Variants in PRORP observed in about 807,000 individuals in gnomAD.
PRORP encodes the protein mitochondrial ribonuclease P catalytic subunit.
PRORP carries 51 observed loss-of-function variants against 59.4 expected under a neutral mutation model. The ratio of observed to expected loss-of-function variants is 0.86; its 90% CI spans 0.69 to 1.08. The LOEUF (loss-of-function observed/expected upper bound fraction) is 1.08. PRORP is among the 50% of genes least tolerant of loss of function. The pLI is 0.00. For missense variants in PRORP, 646 were observed against 690.3 expected, an observed-to-expected ratio of 0.94 and a Z score of 0.72; for synonymous variants, 231 against 245.6, an observed-to-expected ratio of 0.94 and a Z score of 0.55.
At chr14:35,263,355 C>T (rs1477620228) in intron 5 of PRORP, among the ~76,000 whole-genome samples, 1 of 152,070 alleles carries the variant, frequency 6.6e-6, no homozygotes, top group Non-Finnish European at 1.5e-5. Flanking sequence ...GTGTGTAGAG[C>T]CAGCATATAT....
chr14:35,177,074 G>T (rs1364502474), intron 4 of PRORP, among the ~76,000 whole-genome samples: 1 of 152,200 alleles, frequency 6.6e-6, no homozygotes, highest in Admixed American at 6.5e-5. Flanking sequence ...AACCAGCCTT[G>T]CATCCCAGGG....
intron 5 of PRORP, among the ~76,000 whole-genome samples, chr14:35,241,382 A>T (rs965611442): frequency 1.3e-5 from 2 of 152,162 alleles, no homozygotes; most frequent in Non-Finnish European, 2.9e-5. Flanking sequence ...CGTCTCAAAA[A>T]AAAAAAAAGT....
At chr14:35,149,470 C>A (rs1255846114) in intron 4 of PRORP, among the ~76,000 whole-genome samples, 3 of 152,176 alleles carry the variant, frequency 2.0e-5, no homozygotes, top group Admixed American at 2.0e-4. Context: ...GCTTCAGCCT[C>A]CCAAAGTACT....
At chr14:35,206,994 G>T (rs2049310527) in intron 5 of PRORP, among the ~76,000 whole-genome samples, 1 of 152,042 alleles carries the variant, frequency 6.6e-6, no homozygotes, top group Non-Finnish European at 1.5e-5. Flanking sequence ...TACATTCAGG[G>T]TTGTGATTTT....
intron 2 of PRORP, 45 bp from the exon 3 acceptor site, chr14:35,126,690 A>T: frequency 7.0e-7 from 1 of 1,430,744 alleles, no homozygotes; most frequent in South Asian, 1.2e-5. Flanking sequence ...TCATTTCAGT[A>T]GGAATCTAAC....
At chr14:35,266,013 CA>C (rs35304125) in intron 5 of PRORP, among the ~76,000 whole-genome samples, 11,248 of 117,072 alleles carry the variant, frequency 0.096, 870 homozygotes, top group African/African-American at 0.23. Context: ...CCATCTCTAC[CA>C]AAAAAAAAAA....
At chr14:35,156,352 G>A (rs998828979) in intron 4 of PRORP, among the ~76,000 whole-genome samples, 2 of 152,192 alleles carry the variant, frequency 1.3e-5, no homozygotes, top group Non-Finnish European at 2.9e-5. Flanking sequence ...TTAAAAGAGT[G>A]CTGGCTTTTC....
intron 5 of PRORP, among the ~76,000 whole-genome samples, chr14:35,266,258 A>G (rs973668573): frequency 5.9e-5 from 9 of 151,566 alleles, no homozygotes; most frequent in African/African-American, 1.9e-4. Context: ...GAGAGGTTGC[A>G]GTGAGCTGAG....
At chr14:35,258,168 ATT>A (rs2050806207) in intron 5 of PRORP, among the ~76,000 whole-genome samples, 1 of 152,038 alleles carries the variant, frequency 6.6e-6, no homozygotes. Context: ...TTGTTTGTTC[ATT>A]TGTTTGAGAC....
In PRORP at chr14:35,273,517, G is replaced by C; in HGVS notation, c.1703G>C (p.Cys568Ser). ...IPYDEDLVERCSCEVPTKWLC... is the reference protein window; with the variant it reads ...IPYDEDLVERSSCEVPTKWLC... The stretch of plus-strand genomic sequence containing the variant: ...TATGATGAAGACTTGGTAGAAAGAT[G>C]TTCCTGTGAAGTACCAACCAAATGG... Residue 568 changes from cysteine to serine, a missense_variant, in exon 8 of 8, where the codon TGT becomes TCT. By Grantham distance (112) the Cys-to-Ser change is moderately radical. Transcript: ENST00000534898. The C allele has an allele frequency of 6.2e-7, 1 of 1,613,752 alleles. No homozygotes were observed. The highest frequency in any genetic ancestry group is 8.5e-7 in the Non-Finnish European group (1 of 1,179,836).
At chr14:35,153,262 C>T (rs113481580) in intron 4 of PRORP, among the ~76,000 whole-genome samples, 9,016 of 152,258 alleles carry the variant, frequency 0.059, 423 homozygotes, top group African/African-American at 0.13. Flanking sequence ...TGGCGGTGCG[C>T]GCCTGCAATT....
At chr14:35,256,666 A>G (rs1015496877) in intron 5 of PRORP, among the ~76,000 whole-genome samples, 48 of 151,864 alleles carry the variant, frequency 3.2e-4, no homozygotes, top group African/African-American at 9.2e-4. Context: ...ATATTTAGAA[A>G]TGCATTCCAA....
intron 5 of PRORP, among the ~76,000 whole-genome samples, chr14:35,211,216 TAG>T (rs34316634): frequency 0.034 from 5,231 of 152,286 alleles, 315 homozygotes; most frequent in African/African-American, 0.12. Flanking sequence ...GGTAACACTA[TAG>T]AGATACTTTT....
chr14:35,125,084 C>CAGGT (rs1360464483), intron 2 of PRORP, among the ~76,000 whole-genome samples: 2 of 152,024 alleles, frequency 1.3e-5, no homozygotes, highest in Non-Finnish European at 2.9e-5. Context: ...AGGCTGCTCT[C>CAGGT]GAACTACCTC....
chr14:35,191,454 C>A (rs1233099529), intron 5 of PRORP, among the ~76,000 whole-genome samples: 2 of 152,136 alleles, frequency 1.3e-5, no homozygotes, highest in African/African-American at 4.8e-5. Flanking sequence ...GTAATCCCAG[C>A]ACTTCAGGAG....
intron 5 of PRORP, among the ~76,000 whole-genome samples, chr14:35,207,167 G>C (rs897639153): frequency 2.0e-5 from 3 of 152,182 alleles, no homozygotes; most frequent in Admixed American, 1.3e-4. Flanking sequence ...TTTACCTGGC[G>C]ATGCCGGAGC....
chr14:35,240,719 T>A (rs2050343755), intron 5 of PRORP, among the ~76,000 whole-genome samples: 1 of 152,196 alleles, frequency 6.6e-6, no homozygotes, highest in South Asian at 2.1e-4. Context: ...TCTACCTCCT[T>A]GTTCCTCCTC....
chr14:35,226,909 A>T (rs1240527454), intron 5 of PRORP, among the ~76,000 whole-genome samples: 2 of 151,414 alleles, frequency 1.3e-5, no homozygotes, highest in South Asian at 2.1e-4. Context: ...TAATTTTTGT[A>T]TATTTTGAAG....
intron 4 of PRORP, among the ~76,000 whole-genome samples, chr14:35,153,272 T>C (rs568989069): frequency 6.6e-6 from 1 of 152,242 alleles, no homozygotes; most frequent in Non-Finnish European, 1.5e-5. Context: ...CGCCTGCAAT[T>C]GTAGGCACTT....
Sources: gnomAD v4.1 joint callset for allele counts (sites outside exome capture counted in the v4.1 genomes callset) on GRCh38, gnomAD v4.1.1 for gene constraint, MANE v1.5 for transcripts, NCBI Gene and HGNC (gene_info 2026-07-23, HGNC 2026-07-21) for gene names.